Variants in PRRC2C observed in about 807,000 individuals in gnomAD.
PRRC2C encodes the protein protein PRRC2C.
In PRRC2C, 72 loss-of-function variants were observed where a neutral mutation model predicts 317.2. That is an observed-to-expected ratio of 0.23 (90% CI 0.19 to 0.28). The LOEUF (loss-of-function observed/expected upper bound fraction) is 0.28. PRRC2C is among the 10% of genes least tolerant of loss of function. PRRC2C has a pLI of 1.00. For missense variants in PRRC2C, 3,074 were observed against 3,459.7 expected, an observed-to-expected ratio of 0.89 and a Z score of 2.80; for synonymous variants, 1,296 against 1,205.9, an observed-to-expected ratio of 1.07 and a Z score of -1.55.
chr1:171,587,093 C>G lies in PRRC2C; in HGVS notation c.7840C>G (p.Pro2614Ala), dbSNP rs1264291747. The G allele has an allele frequency of 1.2e-6, 2 of 1,611,862 alleles. No homozygotes were observed. The change falls in exon 31 of 35, where the codon CCC becomes GCC. Residue 2614 changes from proline (P) to alanine (A), a missense_variant. Physicochemically the swap from Pro to Ala is conservative, Grantham distance 27. Coordinates refer to ENST00000647382, the MANE Select transcript of PRRC2C (RefSeq NM_001387844.1). The part of the protein sequence containing the change: ...PLIALPQTLQ[P>A]PLQHTTPQAQ... ...AATTGCTTTGCCTCAGACTCTTCAG[C>G]CCCCATTACAGCATACCACTCCCCA...
At chr1:171,583,512 A>G (rs1423522834) in intron 28 of PRRC2C, among the ~76,000 whole-genome samples, 1 of 152,166 alleles carries the variant, frequency 6.6e-6, no homozygotes, top group East Asian at 1.9e-4. Flanking sequence ...AATACCCGCT[A>G]AAGGATCTAC....
chr1:171,561,003 GCTT>G lies in PRRC2C; in HGVS notation c.6032-8_6032-6del, dbSNP rs1302015041. ...CTAAATCTTAATCATGTTTTTTATG[GCTT>G]CTTCTTTCCAGTAGGTCCCATTAGT... On this transcript the variant is annotated splice_polypyrimidine_tract_variant and intron_variant, in intron 19 of 34. Transcript: ENST00000647382. 7.7e-6 allele frequency: 12 copies of G among 1,554,066 alleles called. No homozygotes were observed. Among genetic ancestry groups the G allele is most frequent in the African/African-American group, 5.4e-5 (4 of 73,460 alleles).
At chr1:171,537,601 G>A in intron 15 of PRRC2C, 128 bp downstream of exon 15, 1 of 845,378 alleles carries the variant, frequency 1.2e-6, no homozygotes, top group Non-Finnish European at 1.8e-6. Context: ...ATTTAATTTA[G>A]CATGCTACGC....
In PRRC2C at chr1:171,589,527, C is replaced by T; in HGVS notation, c.8358C>T (p.Ala2786=). 4.7e-6 allele frequency: 6 copies of T among 1,289,784 alleles called. No individual in the cohort carries two copies. The highest frequency in any genetic ancestry group is 6.1e-6 in the Non-Finnish European group (6 of 988,874). 79.9% of individuals were successfully genotyped at this position (1,289,784 alleles called of 1,614,324 possible). ...LMSHARLPHV[A]RGPCGSLSGV... ...GCCATGCTCGTTTGCCACATGTAGC[C>T]AGGGGTCCTTGTGGATCACTATCTG... Residue 2786 remains alanine, a synonymous_variant, in exon 34 of 35, where the codon GCC becomes GCT. Transcript: ENST00000647382.
At chr1:171,509,144 C>T (rs1293039385) in intron 1 of PRRC2C, among the ~76,000 whole-genome samples, 9 of 152,226 alleles carry the variant, frequency 5.9e-5, no homozygotes, top group Admixed American at 6.5e-5. Flanking sequence ...CTCAGCCCCC[C>T]AAAGTGCTGG....
At chr1:171,543,828 C>T (rs994030261) in intron 16 of PRRC2C, among the ~76,000 whole-genome samples, 20 of 152,058 alleles carry the variant, frequency 1.3e-4, no homozygotes, top group South Asian at 6.2e-4. Flanking sequence ...GTTGAGGGGG[C>T]GACATCTCAT....
intron 1 of PRRC2C, among the ~76,000 whole-genome samples, chr1:171,502,898 CT>C (rs1484283670): frequency 1.3e-5 from 2 of 152,042 alleles, no homozygotes; most frequent in Non-Finnish European, 1.5e-5. Context: ...AGTTTTTATA[CT>C]TTTAGTAGAG....
intron 15 of PRRC2C, among the ~76,000 whole-genome samples, chr1:171,539,365 A>C (rs1235812557): frequency 5.3e-5 from 8 of 152,316 alleles, no homozygotes; most frequent in Non-Finnish European, 8.8e-5. Context: ...TCTTAACAAA[A>C]ATTTAATCAT....
intron 25 of PRRC2C, among the ~76,000 whole-genome samples, chr1:171,576,836 G>C (rs190180095): frequency 3.3e-5 from 5 of 152,126 alleles, no homozygotes; most frequent in Non-Finnish European, 1.5e-5. Flanking sequence ...GCGACTACAG[G>C]CACCACCATG....
intron 17 of PRRC2C, among the ~76,000 whole-genome samples, chr1:171,549,808 C>T (rs908955742): frequency 2.6e-5 from 4 of 152,108 alleles, no homozygotes; most frequent in African/African-American, 7.2e-5. Flanking sequence ...GCAGTATGCC[C>T]ATCTCGGCCT....
At chr1:171,534,330 T>C (rs1393612764) in intron 12 of PRRC2C, among the ~76,000 whole-genome samples, 1 of 152,174 alleles carries the variant, frequency 6.6e-6, no homozygotes, top group East Asian at 1.9e-4. Flanking sequence ...TGAAATAAAG[T>C]GTTCACAAGA....
intron 1 of PRRC2C, among the ~76,000 whole-genome samples, chr1:171,495,984 A>G (rs1452812888): frequency 2.0e-5 from 3 of 152,038 alleles, no homozygotes. Flanking sequence ...TCTCTAATGG[A>G]GAAGAGAGCA....
intron 19 of PRRC2C, 141 bp from the exon 20 acceptor site, chr1:171,560,877 G>C: frequency 2.7e-6 from 2 of 737,700 alleles, no homozygotes; most frequent in Admixed American, 2.0e-5. Flanking sequence ...AATAATCTTT[G>C]TAAGTCTGAT....
rs1350133321 is a variant in PRRC2C, at chr1:171,593,080, A to G, written c.*1233A>G. 1 of 152,056 alleles carries G rather than the reference A, an allele frequency of 6.6e-6. No individual in the cohort carries two copies. The highest frequency in any genetic ancestry group is 1.9e-4 in the East Asian group (1 of 5,198). 9.4% of individuals were successfully genotyped at this position (152,056 alleles called of 1,614,324 possible). A position where few individuals can be genotyped will look rare whatever the true frequency, so the allele number is the denominator to read the frequency against. On this transcript the variant is annotated 3_prime_UTR_variant, in exon 35 of 35. Coordinates refer to ENST00000647382, the MANE Select transcript of PRRC2C (RefSeq NM_001387844.1). ...ATTTTAAAAAACGGTGCCAGGTACC[A>G]CAACAGTAACAGAACTTTGCAATTT... is the stretch of plus-strand genomic sequence containing the variant.
intron 15 of PRRC2C, 26 bp downstream of exon 15, chr1:171,537,499 A>G: frequency 6.6e-7 from 1 of 1,523,372 alleles, no homozygotes; most frequent in South Asian, 1.2e-5. Context: ...AATTTAATAG[A>G]TGATACAGAA....
At chr1:171,514,782 T>C in intron 4 of PRRC2C, 137 bp downstream of exon 4, 1 of 756,632 alleles carries the variant, frequency 1.3e-6, no homozygotes, top group Non-Finnish European at 2.1e-6. Context: ...TTAAAAAGGT[T>C]TTTTAAAAAA....
chr1:171,573,565 T>C (rs1178275471), intron 24 of PRRC2C, among the ~76,000 whole-genome samples: 2 of 152,134 alleles, frequency 1.3e-5, no homozygotes, highest in African/African-American at 2.4e-5. Flanking sequence ...ATAAAAGTTC[T>C]GTATTTTAAA....
intron 12 of PRRC2C, among the ~76,000 whole-genome samples, 159 bp from the exon 13 acceptor site, chr1:171,535,269 A>G (rs1676608272): frequency 1.3e-5 from 2 of 152,346 alleles, no homozygotes; most frequent in South Asian, 2.1e-4. Flanking sequence ...ATGTTACCTC[A>G]TTGATAACTA....
In PRRC2C at chr1:171,584,089, A is replaced by T. The variant is rs1649311960; in HGVS notation, c.7543A>T (p.Thr2515Ser). 1 of 1,613,988 alleles carries T rather than the reference A, an allele frequency of 6.2e-7. No individual in the cohort carries two copies. The highest frequency in any genetic ancestry group is 2.2e-5 in the East Asian group (1 of 44,876). Residue 2515 changes from threonine (T) to serine (S), a missense_variant, in exon 29 of 35, where the codon ACA becomes TCA. This residue lies in a region of PRRC2C where 490 missense variants were observed against 663.1 expected (regional missense o/e 0.74). Coordinates refer to ENST00000647382, the MANE Select transcript of PRRC2C (RefSeq NM_001387844.1). ...KAQSGLAFQQ[T>S]SNTQPIPILY... ...ACAATCCGGTCTTGCCTTTCAGCAA[A>T]CATCAAATACTCAGCCCATTCCTAT...
Sources: allele counts gnomAD v4.1 joint callset (sites outside exome capture counted in the v4.1 genomes callset), GRCh38; gene constraint gnomAD v4.1.1; regional missense constraint gnomAD v4.1.1; transcripts MANE v1.5; gene names NCBI Gene and HGNC (gene_info 2026-07-23, HGNC 2026-07-21).